MICU1: variants seen among roughly 807,000 people sequenced by gnomAD.
The protein encoded by MICU1 is calcium uptake protein 1, mitochondrial.
A neutral mutation model predicts 56.8 loss-of-function variants in MICU1; 45 were observed. The ratio of observed to expected loss-of-function variants is 0.79; its 90% CI spans 0.62 to 1.02. The LOEUF is 1.02. Among genes scored for constraint, MICU1 ranks in the 50% least tolerant of loss-of-function variants. MICU1 has a pLI of 0.00. For missense variants in MICU1, 504 were observed against 587.1 expected (o/e 0.86, Z 1.46); for synonymous variants, 186 against 195.1 (o/e 0.95, Z 0.39).
chr10:72,574,476 AC>A (rs1212922869), intron 1 of MICU1, among the ~76,000 whole-genome samples: 1 of 152,086 alleles, frequency 6.6e-6, no homozygotes, highest in African/African-American at 2.4e-5. Flanking sequence ...CTGAGATTGC[AC>A]CATTGCACTC....
At chr10:72,405,358 T>C (rs749471628) in intron 10 of MICU1, among the ~76,000 whole-genome samples, 3 of 152,062 alleles carry the variant, frequency 2.0e-5, no homozygotes, top group Non-Finnish European at 2.9e-5. Context: ...TAGCTGGGAT[T>C]ACAGACACCT....
chr10:72,402,152 A>C (rs1477402701), intron 10 of MICU1, among the ~76,000 whole-genome samples: 1 of 38,258 alleles, frequency 2.6e-5, no homozygotes, highest in East Asian at 2.1e-4. Flanking sequence ...ATTTCTGAGA[A>C]AAAAAAAAAA....
chr10:72,608,335 G>A (rs3000959), intron 1 of MICU1, among the ~76,000 whole-genome samples: 85,606 of 152,044 alleles, frequency 0.56, 25,472 homozygotes, highest in Non-Finnish European at 0.67. Context: ...GCAGCCCGAA[G>A]TGCTGGGATT....
intron 5 of MICU1, among the ~76,000 whole-genome samples, chr10:72,533,519 A>C (rs889152798): frequency 2.0e-5 from 3 of 152,194 alleles, no homozygotes; most frequent in African/African-American, 7.2e-5. Flanking sequence ...ATTAGCCCTT[A>C]ATATAAACAG....
At chr10:72,555,363 A>G (rs948546369) in intron 3 of MICU1, among the ~76,000 whole-genome samples, 2 of 152,228 alleles carry the variant, frequency 1.3e-5, no homozygotes, top group African/African-American at 4.8e-5. Context: ...AGTTTTAGAA[A>G]GGAAAAGTAC....
chr10:72,405,760 AAT>A lies in MICU1; in HGVS notation c.1180+2167_1180+2168del, dbSNP rs1466323874. ...AGCAGAAAAGCCATATGACCATTTC[AAT>A]ATATATAGAAAAAAATTTGACAAAA... On this transcript the variant is annotated intron_variant, in intron 10 of 11. Coordinates refer to ENST00000361114, the MANE Select transcript of MICU1 (RefSeq NM_001195518.2). Among the ~76,000 whole-genome samples the A allele has an allele frequency of 3.3e-5, 5 of 152,290 alleles. 1 individual carries two copies. The South Asian group carries it at 1.0e-3, about 32-fold the overall frequency.
chr10:72,583,343 C>T (rs1284308303), intron 1 of MICU1, among the ~76,000 whole-genome samples: 2 of 151,030 alleles, frequency 1.3e-5, no homozygotes, highest in Non-Finnish European at 2.9e-5. Context: ...TGCAGTGGTG[C>T]CATCTTACCT....
intron 5 of MICU1, among the ~76,000 whole-genome samples, chr10:72,511,532 T>C (rs1867448437): frequency 6.6e-6 from 1 of 152,182 alleles, no homozygotes; most frequent in East Asian, 1.9e-4. Flanking sequence ...TCACTATAGT[T>C]AGTAATCGTA....
At chr10:72,487,322 T>G (rs569662920) in intron 6 of MICU1, among the ~76,000 whole-genome samples, 1 of 152,256 alleles carries the variant, frequency 6.6e-6, no homozygotes, top group Admixed American at 6.5e-5. Flanking sequence ...TGACCAACTT[T>G]CCATTTGATG....
chr10:72,585,094 GTT>G (rs1169762764), intron 1 of MICU1, among the ~76,000 whole-genome samples: 1 of 133,380 alleles, frequency 7.5e-6, no homozygotes, highest in Non-Finnish European at 1.6e-5. Context: ...TTTTTTTTTT[GTT>G]TTTTTTTTTG....
At chr10:72,550,149 T>C (rs1024253166) in intron 4 of MICU1, among the ~76,000 whole-genome samples, 9 of 152,242 alleles carry the variant, frequency 5.9e-5, no homozygotes, top group African/African-American at 2.2e-4. Flanking sequence ...TTTAGTGTAG[T>C]CTAAGTATAC....
chr10:72,558,329 G>A (rs560732715), intron 3 of MICU1, among the ~76,000 whole-genome samples: 1 of 152,004 alleles, frequency 6.6e-6, no homozygotes, highest in East Asian at 1.9e-4. Flanking sequence ...CATCTCTGTG[G>A]ATCAGAGACT....
At chr10:72,552,453 A>G (rs1840057737) in intron 3 of MICU1, among the ~76,000 whole-genome samples, 1 of 152,222 alleles carries the variant, frequency 6.6e-6, no homozygotes, top group Non-Finnish European at 1.5e-5. Context: ...CTGGCTAGAA[A>G]ATGTGTCAAG....
chr10:72,506,924 T>C (rs2132344816), intron 6 of MICU1, among the ~76,000 whole-genome samples: 1 of 152,316 alleles, frequency 6.6e-6, no homozygotes, highest in South Asian at 2.1e-4. Flanking sequence ...ATGAATTTAT[T>C]CAGACACTTT....
intron 9 of MICU1, among the ~76,000 whole-genome samples, chr10:72,412,946 C>T (rs1349810504): frequency 6.6e-6 from 1 of 151,888 alleles, no homozygotes; most frequent in African/African-American, 2.4e-5. Flanking sequence ...CCTGTAATCC[C>T]AGCACTTTGG....
intron 1 of MICU1, among the ~76,000 whole-genome samples, chr10:72,611,596 A>C (rs1841851315): frequency 6.6e-6 from 1 of 151,884 alleles, no homozygotes; most frequent in Admixed American, 6.6e-5. Context: ...AAAAGAAAAA[A>C]CCCTAAAAAG....
At chr10:72,544,114 C>CCTGTCCTGTT (rs1564927664) in intron 4 of MICU1, among the ~76,000 whole-genome samples, 1 of 150,686 alleles carries the variant, frequency 6.6e-6, no homozygotes, top group Non-Finnish European at 1.5e-5. Context: ...AAATCCCTGT[C>CCTGTCCTGTT]CTGTTCTGTT....
At chr10:72,453,060 G>T (rs1865348005) in intron 8 of MICU1, among the ~76,000 whole-genome samples, 1 of 152,168 alleles carries the variant, frequency 6.6e-6, no homozygotes, top group African/African-American at 2.4e-5. Flanking sequence ...GACAAAGTGT[G>T]TGTAAAATGT....
chr10:72,611,216 T>G (rs1195506445), intron 1 of MICU1, among the ~76,000 whole-genome samples: 1 of 150,468 alleles, frequency 6.6e-6, no homozygotes. Context: ...GGCAGGAGAA[T>G]GGCGGGAACC....
Sources: gnomAD v4.1 joint callset for allele counts (sites outside exome capture counted in the v4.1 genomes callset) on GRCh38, gnomAD v4.1.1 for gene constraint, MANE v1.5 for transcripts, NCBI Gene and HGNC (gene_info 2026-07-23, HGNC 2026-07-21) for gene names.